Variants in HLX observed in about 807,000 individuals in gnomAD.
HLX encodes H2.0-like homeobox protein.
HLX carries 6 observed loss-of-function variants against 27.7 expected under a neutral mutation model. That is an observed-to-expected ratio of 0.22 (90% confidence interval 0.12 to 0.43). The LOEUF is 0.43. Among genes scored for constraint, HLX ranks in the 20% least tolerant of loss-of-function variants. HLX has a pLI of 1.00. For missense variants in HLX, 666 were observed against 655.2 expected (o/e 1.02, Z -0.18); for synonymous variants, 328 against 293.8 (o/e 1.12, Z -1.19).
In HLX at chr1:220,884,771, C is replaced by G. The variant is rs533052816; in HGVS notation, c.*67C>G. On this transcript the variant is annotated 3_prime_UTR_variant, in exon 4 of 4. Coordinates refer to ENST00000366903, the MANE Select transcript of HLX (RefSeq NM_021958.4). This position sits in a 1 kb window ranked among gnomAD's most constrained non-coding sequence, Gnocchi z 4.9. ...TCCCAACCATGGGCTGGGTTTTGTG[C>G]TTACTGTATGTTGGCGACTTGGTAG... The G allele has an allele frequency of 4.3e-5, 68 of 1,572,440 alleles. 2 individuals carry two copies. In the South Asian group the frequency reaches 7.4e-4, roughly 17 times the overall value.
At chr1:220,881,941 T>C (rs2102642239) in intron 2 of HLX, 1 of 638,636 alleles carries the variant, frequency 1.6e-6, no homozygotes, top group Non-Finnish European at 2.9e-6. Context: ...GCCGCCAGGC[T>C]TCTCCACTCC....
chr1:220,882,100 G>C (rs761654118), intron 2 of HLX, 64 bp from the exon 3 acceptor site: 2 of 1,509,706 alleles, frequency 1.3e-6, no homozygotes, highest in African/African-American at 1.4e-5. Flanking sequence ...AGGCTGGCAG[G>C]TCAAGGACTG....
Position 220,880,477 on chromosome 1 carries a change from C to T in HLX, c.592+28C>T, listed in dbSNP as rs1054232401. 11 of 1,612,568 alleles carry T rather than the reference C, an allele frequency of 6.8e-6. No homozygotes were observed. In the African/African-American group the frequency reaches 1.1e-4, roughly 16 times the overall value. On this transcript the variant is annotated intron_variant, in intron 1 of 3. Coordinates refer to ENST00000366903, the MANE Select transcript of HLX (RefSeq NM_021958.4). ...AGGTCTTGGGCGGGAGGCTGCAGGCCTCTGACCACTGACCCACTCCCCGGA... is the reference window on the plus strand; with the variant it reads ...AGGTCTTGGGCGGGAGGCTGCAGGCTTCTGACCACTGACCCACTCCCCGGA...
intron 2 of HLX, chr1:220,881,603 T>G: frequency 3.5e-6 from 2 of 579,264 alleles, no homozygotes; most frequent in Non-Finnish European, 3.1e-6. Context: ...AGTGTGTGCG[T>G]GGACGGTGGG....
At chr1:220,883,956 T>C (rs1674512108) in intron 3 of HLX, 2 of 576,542 alleles carry the variant, frequency 3.5e-6, no homozygotes, top group Non-Finnish European at 3.1e-6. Flanking sequence ...GGCCTGAGGG[T>C]TGCATTTTGA....
intron 2 of HLX, 104 bp downstream of exon 2, chr1:220,881,477 T>G: frequency 1.0e-6 from 1 of 973,536 alleles, no homozygotes; most frequent in African/African-American, 1.6e-5. Flanking sequence ...AATCTCACAA[T>G]TGGGGCGGGA....
intron 1 of HLX, 118 bp downstream of exon 1, chr1:220,880,567 G>A: frequency 1.8e-6 from 2 of 1,100,090 alleles, no homozygotes; most frequent in South Asian, 2.5e-5. Context: ...TAAAACGGGA[G>A]AGAAGAAAAC....
Position 220,884,097 on chromosome 1 carries a change from C to A in HLX, c.958-98C>A. 2 of 1,270,018 alleles carry A rather than the reference C, an allele frequency of 1.6e-6. No homozygotes were observed. Among genetic ancestry groups the A allele is most frequent in the Non-Finnish European group, 2.3e-6 (2 of 878,774 alleles). 78.7% of individuals were successfully genotyped at this position (1,270,018 alleles called of 1,614,324 possible). On this transcript the variant is annotated intron_variant, in intron 3 of 3. Coordinates refer to ENST00000366903, the MANE Select transcript of HLX (RefSeq NM_021958.4). The surrounding 1 kb of genome is among the most constrained non-coding windows in gnomAD (Gnocchi z 4.9). ...TCGCCAAGTAAGCGTTGCTTTTTCACTCAGGGAGGTGGCTTGAGGGTGCAC... is the reference window on the plus strand; with the variant it reads ...TCGCCAAGTAAGCGTTGCTTTTTCAATCAGGGAGGTGGCTTGAGGGTGCAC...
Position 220,882,344 on chromosome 1 carries a change from C to A in HLX, c.953C>A (p.Ala318Glu). 6.2e-7 allele frequency: 1 copy of A among 1,614,080 alleles called. No individual in the cohort carries two copies. Among genetic ancestry groups the A allele is most frequent in the South Asian group, 1.1e-5 (1 of 91,074 alleles). ...GCGGCGATGCTGGGCCTCACGGACG[C>A]ACAGGTAAGGCAGTTCTGGCTCCAG... Reference protein sequence around the residue: ...QLAAMLGLTDAQVKVWFQNRR... With the variant: ...QLAAMLGLTDEQVKVWFQNRR... Residue 318 changes from alanine (A) to glutamate (E), a missense_variant, in exon 3 of 4, where the codon GCA (alanine) becomes GAA (glutamate). By Grantham distance (107) the Ala-to-Glu change is moderately radical (BLOSUM62 -1). Transcript: ENST00000366903.
At chr1:220,880,537 T>C in intron 1 of HLX, 88 bp downstream of exon 1, 4 of 1,398,660 alleles carry the variant, frequency 2.9e-6, no homozygotes, top group Non-Finnish European at 4.1e-6. Context: ...TGAGTGTTTT[T>C]ACAATTAAGG....
Position 220,884,529 on chromosome 1 carries a change from G to T in HLX, c.1292G>T (p.Gly431Val). 9.3e-6 allele frequency: 15 copies of T among 1,610,436 alleles called. No homozygotes were observed. The highest frequency in any genetic ancestry group is 1.3e-5 in the Non-Finnish European group (15 of 1,178,384). ...AGSGGSSGGGGNSFSFSSASS... is the reference protein window; with the variant it reads ...AGSGGSSGGGVNSFSFSSASS... ...AGTGGTGGGAGCAGCGGCGGCGGCG[G>T]CAATAGTTTCAGCTTCAGCAGCGCC... Residue 431 changes from glycine (G) to valine (V), a missense_variant, in exon 4 of 4, where the codon GGC becomes GTC. Transcript: ENST00000366903. This position sits in a 1 kb window ranked among gnomAD's most constrained non-coding sequence, Gnocchi z 4.9.
chr1:220,884,477 GC>G lies in HLX; in HGVS notation c.1243del (p.Leu415SerfsTer78), dbSNP rs760141381. ...AGTTATTAAGGCCCCGGTCACTGGC[GC>G]CCTCATTACCGCCAGCAGTGCTGGG... ...TTVIKAPVTG[A>X]LITASSAGSG... is the part of the protein sequence containing the mutation. On this transcript the variant is annotated frameshift_variant, in exon 4 of 4. Transcript: ENST00000366903. LOFTEE classifies it low-confidence loss of function (END_TRUNC). The surrounding 1 kb of genome is among the most constrained non-coding windows in gnomAD (Gnocchi z 4.9). 3.1e-6 allele frequency: 5 copies of G among 1,614,120 alleles called. No individual in the cohort carries two copies. The highest frequency in any genetic ancestry group is 1.7e-6 in the Non-Finnish European group (2 of 1,179,998).
intron 1 of HLX, chr1:220,880,945 C>T (rs989891278): frequency 1.4e-5 from 7 of 506,610 alleles, no homozygotes; most frequent in African/African-American, 1.9e-5. Flanking sequence ...AAAGTGAGGC[C>T]GTAAGCCGAT....
At position 220,882,153 on chromosome 1, in the gene HLX, T is replaced by G. The variant is rs757687477; in HGVS notation, c.773-11T>G. On this transcript the variant is annotated splice_polypyrimidine_tract_variant and intron_variant, in intron 2 of 3. Coordinates refer to ENST00000366903, the MANE Select transcript of HLX (RefSeq NM_021958.4). ...TTGTCTTTCTTCCCTCTGGCTCCCG[T>G]TCTGCGGCAGGTCCCTATGCTGTGC... The G allele has an allele frequency of 6.2e-7, 1 of 1,614,022 alleles. No individual in the cohort carries two copies. The highest frequency in any genetic ancestry group is 2.2e-5 in the East Asian group (1 of 44,882).
Position 220,884,336 on chromosome 1 carries a change from C to T in HLX, c.1099C>T (p.Pro367Ser). The change falls in exon 4 of 4, where the codon CCC (proline) becomes TCC (serine). Residue 367 changes from proline (P) to serine (S), a missense_variant. By Grantham distance (74) the Pro-to-Ser change is moderately conservative. Transcript: ENST00000366903. This position sits in a 1 kb window ranked among gnomAD's most constrained non-coding sequence, Gnocchi z 4.9. Reference protein sequence around the residue: ...AADGEQDERSPSRSEGEAESE... With the variant: ...AADGEQDERSSSRSEGEAESE... Reference sequence around the variant, plus strand: ...GGATGGCGAGCAGGACGAGAGGAGCCCCAGCCGTTCTGAAGGCGAGGCTGA... The same window carrying T: ...GGATGGCGAGCAGGACGAGAGGAGCTCCAGCCGTTCTGAAGGCGAGGCTGA... The T allele has an allele frequency of 6.2e-7, 1 of 1,613,996 alleles. No homozygotes were observed. Among genetic ancestry groups the T allele is most frequent in the Admixed American group, 1.7e-5 (1 of 60,020 alleles).
chr1:220,883,956 T>G, intron 3 of HLX: 1 of 576,542 alleles, frequency 1.7e-6, no homozygotes, highest in South Asian at 2.1e-5. Flanking sequence ...GGCCTGAGGG[T>G]TGCATTTTGA....
At chr1:220,880,492 CA>C (rs1270425754) in intron 1 of HLX, 43 bp downstream of exon 1, 1 of 1,609,418 alleles carries the variant, frequency 6.2e-7, no homozygotes, top group Non-Finnish European at 8.5e-7. Flanking sequence ...ACCACTGACC[CA>C]CTCCCCGGAC....
chr1:220,879,618 C>A lies in HLX; in HGVS notation c.-240C>A. 1 of 587,236 alleles carries A rather than the reference C, an allele frequency of 1.7e-6. No individual in the cohort carries two copies. 36.4% of individuals were successfully genotyped at this position (587,236 alleles called of 1,614,324 possible). A position where few individuals can be genotyped will look rare whatever the true frequency, so the allele number is the denominator to read the frequency against. ...TCATCCAGCCCGCGAGGAGTGCGGG[C>A]GCCGCGCCGCCTTTAAAGCGAGGCC... On this transcript the variant is annotated 5_prime_UTR_variant, in exon 1 of 4. Coordinates refer to ENST00000366903, the MANE Select transcript of HLX (RefSeq NM_021958.4).
In HLX at chr1:220,882,151, C is replaced by T. The variant is rs1166873369; in HGVS notation, c.773-13C>T. On this transcript the variant is annotated splice_polypyrimidine_tract_variant and intron_variant, in intron 2 of 3. Transcript: ENST00000366903. ...TCTTGTCTTTCTTCCCTCTGGCTCC[C>T]GTTCTGCGGCAGGTCCCTATGCTGT... The T allele has an allele frequency of 2.5e-6, 4 of 1,613,754 alleles. No homozygotes were observed. Among genetic ancestry groups the T allele is most frequent in the South Asian group, 2.2e-5 (2 of 90,994 alleles).
Sources: allele counts gnomAD v4.1 joint callset, GRCh38; gene constraint gnomAD v4.1.1; non-coding constraint Gnocchi (gnomAD v3.1); transcripts MANE v1.5; gene names NCBI Gene and HGNC (gene_info 2026-07-23, HGNC 2026-07-21).